PDZRN3: variants seen among roughly 807,000 people sequenced by gnomAD.
PDZRN3 encodes PDZ domain containing ring finger 3.
In PDZRN3, 38 loss-of-function variants were observed where a neutral mutation model predicts 85.7. The ratio of observed to expected loss-of-function variants is 0.44; its 90% CI spans 0.34 to 0.58. PDZRN3 has a LOEUF of 0.58. Among genes scored for constraint, PDZRN3 ranks in the 20% least tolerant of loss-of-function variants. PDZRN3 has a pLI of 0.01. For synonymous variants in PDZRN3, 759 were observed against 638.0 expected, an observed-to-expected ratio of 1.19 and a Z score of -2.86; for missense variants, 1,629 against 1,506.4, an observed-to-expected ratio of 1.08 and a Z score of -1.35.
chr3:73,526,854 CTT>C (rs980840919), intron 3 of PDZRN3, among the ~76,000 whole-genome samples: 1 of 146,974 alleles, frequency 6.8e-6, no homozygotes. Context: ...TGCCCAGCTA[CTT>C]TTTTTTTTTG....
intron 3 of PDZRN3, among the ~76,000 whole-genome samples, chr3:73,595,858 G>A (rs960171340): frequency 2.6e-5 from 4 of 152,104 alleles, no homozygotes; most frequent in South Asian, 2.1e-4. Flanking sequence ...TGTTATTATC[G>A]TGGTACATGT....
At chr3:73,565,178 GAGCGC>G (rs1701919048) in intron 3 of PDZRN3, among the ~76,000 whole-genome samples, 1 of 149,812 alleles carries the variant, frequency 6.7e-6, no homozygotes, top group Non-Finnish European at 1.5e-5. Flanking sequence ...GCCCAGGCTG[GAGCGC>G]AGTGGTGTAA....
intron 3 of PDZRN3, among the ~76,000 whole-genome samples, chr3:73,561,934 G>C (rs1412569793): frequency 1.3e-5 from 2 of 148,994 alleles, no homozygotes; most frequent in Non-Finnish European, 3.0e-5. Context: ...TTTTTTGCTG[G>C]AAAAGCTGTT....
At chr3:73,491,906 T>G (rs1703777919) in intron 3 of PDZRN3, among the ~76,000 whole-genome samples, 1 of 152,070 alleles carries the variant, frequency 6.6e-6, no homozygotes, top group Non-Finnish European at 1.5e-5. Flanking sequence ...GCCAGAAGGT[T>G]CTTGATTGGA....
chr3:73,504,773 CA>C (rs1203905814), intron 3 of PDZRN3, among the ~76,000 whole-genome samples: 1 of 152,194 alleles, frequency 6.6e-6, no homozygotes, highest in African/African-American at 2.4e-5. Context: ...CTTATACCCA[CA>C]TAAGTCACTA....
chr3:73,463,584 G>A (rs1703150380), intron 3 of PDZRN3, among the ~76,000 whole-genome samples: 1 of 152,222 alleles, frequency 6.6e-6, no homozygotes, highest in African/African-American at 2.4e-5. Context: ...TGTGGGGAGT[G>A]TAAATTAGTG....
intron 3 of PDZRN3, among the ~76,000 whole-genome samples, chr3:73,550,153 G>A (rs1307248891): frequency 2.0e-5 from 3 of 152,138 alleles, no homozygotes; most frequent in Non-Finnish European, 2.9e-5. Context: ...AAAGATCTCC[G>A]CAGGCCAGTG....
intron 3 of PDZRN3, among the ~76,000 whole-genome samples, chr3:73,444,927 G>C (rs147297519): frequency 6.6e-6 from 1 of 152,330 alleles, no homozygotes; most frequent in Non-Finnish European, 1.5e-5. Context: ...CAGGTACATG[G>C]GCTGTGGTGC....
At chr3:73,463,367 GT>G (rs1329157639) in intron 3 of PDZRN3, among the ~76,000 whole-genome samples, 1 of 152,232 alleles carries the variant, frequency 6.6e-6, no homozygotes, top group African/African-American at 2.4e-5. Context: ...GGAGACACTA[GT>G]AGCACCAGAA....
intron 3 of PDZRN3, among the ~76,000 whole-genome samples, chr3:73,492,212 A>C (rs145299992): frequency 6.6e-6 from 1 of 152,324 alleles, no homozygotes; most frequent in African/African-American, 2.4e-5. Flanking sequence ...AAATAAAATT[A>C]TCAAAATATT....
chr3:73,395,172 T>A (rs187022166), intron 5 of PDZRN3, among the ~76,000 whole-genome samples: 1 of 152,214 alleles, frequency 6.6e-6, no homozygotes, highest in African/African-American at 2.4e-5. Flanking sequence ...AAATACAGTA[T>A]TTTGGGGCTC....
Position 73,384,418 on chromosome 3 carries a change from G to C in PDZRN3, c.2148C>G (p.Arg716=). The C allele has an allele frequency of 1.2e-6, 2 of 1,610,496 alleles. No individual in the cohort carries two copies. Among genetic ancestry groups the C allele is most frequent in the Non-Finnish European group, 1.7e-6 (2 of 1,179,960 alleles). The change falls in exon 10 of 10, where the codon CGC becomes CGG. Residue 716 remains arginine, a synonymous_variant. Coordinates refer to ENST00000263666, the MANE Select transcript of PDZRN3 (RefSeq NM_015009.3). The part of the protein sequence containing the change: ...HKMQQLKEQY[R]ESWMLHNSGF... Reference sequence around the variant, plus strand: ...CGCTGTTGTGCAGCATCCAGGACTCGCGGTACTGCTCCTTGAGCTGCTGCA... The same window carrying C: ...CGCTGTTGTGCAGCATCCAGGACTCCCGGTACTGCTCCTTGAGCTGCTGCA...
intron 3 of PDZRN3, among the ~76,000 whole-genome samples, chr3:73,428,504 AT>A (rs1378583773): frequency 6.6e-6 from 1 of 152,210 alleles, no homozygotes; most frequent in Non-Finnish European, 1.5e-5. Flanking sequence ...ACAGTGTAAC[AT>A]GGGAGGCCAA....
chr3:73,490,421 TC>T lies in PDZRN3; in HGVS notation c.919-86027del, dbSNP rs1267243437. 3.9e-5 allele frequency among the ~76,000 whole-genome samples: 6 copies of T among 152,274 alleles called. No individual in the cohort carries two copies. In the East Asian group the frequency reaches 7.7e-4, roughly 20 times the overall value. On this transcript the variant is annotated intron_variant, in intron 3 of 9. Transcript: ENST00000263666. The stretch of plus-strand genomic sequence containing the variant: ...CCAGCACATTCTGACAGTTTTCAGC[TC>T]CATATTTGACTGAAAAAGCCTCCCA...
At chr3:73,531,165 G>C (rs1398452861) in intron 3 of PDZRN3, among the ~76,000 whole-genome samples, 1 of 150,962 alleles carries the variant, frequency 6.6e-6, no homozygotes, top group Non-Finnish European at 1.5e-5. Flanking sequence ...GCAGGAGAAT[G>C]GCATGAACCC....
intron 3 of PDZRN3, chr3:73,569,418 C>T (rs1702009238): frequency 2.6e-6 from 3 of 1,152,784 alleles, no homozygotes; most frequent in Non-Finnish European, 3.2e-6. Flanking sequence ...TACATATTTC[C>T]TGTCTCTTCC....
At chr3:73,404,041 G>T in intron 4 of PDZRN3, 107 bp downstream of exon 4, 5 of 1,115,182 alleles carry the variant, frequency 4.5e-6, no homozygotes, top group Admixed American at 2.5e-5. Flanking sequence ...TGGGCAACTT[G>T]GAGGAAAACT....
intron 2 of PDZRN3, among the ~76,000 whole-genome samples, chr3:73,603,870 A>AAC (rs71625943): frequency 0.029 from 3,179 of 110,384 alleles, 69 homozygotes; most frequent in African/African-American, 0.064. Context: ...CACTTCCCCA[A>AAC]ACACACACAC....
chr3:73,599,522 A>C (rs1702479508), intron 3 of PDZRN3, among the ~76,000 whole-genome samples: 1 of 152,208 alleles, frequency 6.6e-6, no homozygotes, highest in Non-Finnish European at 1.5e-5. Context: ...CTGCAACATA[A>C]ATCAATGTAG....
Sources: gnomAD v4.1 joint callset for allele counts (sites outside exome capture counted in the v4.1 genomes callset) on GRCh38, gnomAD v4.1.1 for gene constraint, MANE v1.5 for transcripts, NCBI Gene and HGNC (gene_info 2026-07-23, HGNC 2026-07-21) for gene names.